Variants in ZKSCAN7 observed in about 807,000 individuals in gnomAD.
ZKSCAN7 encodes the protein zinc finger protein with KRAB and SCAN domains 7.
ZKSCAN7 carries 38 observed loss-of-function variants against 65.3 expected under a neutral mutation model. The observed-to-expected ratio is 0.58, with a 90% CI of 0.45 to 0.76. The LOEUF is 0.76. Ranked by LOEUF, ZKSCAN7 falls within the 30% of genes least tolerant of loss-of-function variation. The probability of loss-of-function intolerance (pLI) is 0.00; values close to 1 mark genes in which losing one functional copy is unlikely to be tolerated. For synonymous variants in ZKSCAN7, 321 were observed against 321.0 expected (o/e 1.00, Z 0.00); for missense variants, 815 against 913.3 (o/e 0.89, Z 1.39).
downstream of ZKSCAN7, among the ~76,000 whole-genome samples, chr3:44,572,744 G>T (rs1026512453): frequency 6.6e-6 from 1 of 151,062 alleles, no homozygotes; most frequent in Non-Finnish European, 1.5e-5. Context: ...CAGCTATTCG[G>T]GAGGCTGAGG....
At chr3:44,556,058 AG>A (rs781584140) in intron 1 of ZKSCAN7, among the ~76,000 whole-genome samples, 11 of 152,332 alleles carry the variant, frequency 7.2e-5, no homozygotes, top group Non-Finnish European at 1.0e-4. Flanking sequence ...TGAATGAAAA[AG>A]GTAGTTTGGG....
At chr3:44,558,524 CAA>C (rs200361121) in intron 2 of ZKSCAN7, among the ~76,000 whole-genome samples, 19 of 107,316 alleles carry the variant, frequency 1.8e-4, no homozygotes, top group Admixed American at 3.0e-4. Context: ...GACTTCATCT[CAA>C]AAAAAAAAAA....
At chr3:44,579,245 C>A (rs1700000837) in intron 5 of ZKSCAN7, among the ~76,000 whole-genome samples, 1 of 152,212 alleles carries the variant, frequency 6.6e-6, no homozygotes, top group Admixed American at 6.5e-5. Flanking sequence ...GTCCAGCATC[C>A]CGAAGTGCTT....
chr3:44,569,799 A>C (rs1205253869), intron 5 of ZKSCAN7, 123 bp from the exon 6 acceptor site: 1 of 1,394,816 alleles, frequency 7.2e-7, no homozygotes, highest in Non-Finnish European at 9.3e-7. Context: ...TCTTGTTCTC[A>C]ATGTGTCATC....
At chr3:44,578,953 C>T (rs568226555) in intron 5 of ZKSCAN7, among the ~76,000 whole-genome samples, 233 of 152,358 alleles carry the variant, frequency 1.5e-3, no homozygotes, top group African/African-American at 5.4e-3. Context: ...GGTTCTGCTC[C>T]AGAAGGTCTG....
At chr3:44,568,745 T>C (rs1699709009) in intron 5 of ZKSCAN7, among the ~76,000 whole-genome samples, 1 of 152,174 alleles carries the variant, frequency 6.6e-6, no homozygotes. Flanking sequence ...TGGAAGAAAC[T>C]GATGAGCTAG....
chr3:44,555,512 A>G (rs1699264043), intron 1 of ZKSCAN7, 31 bp downstream of exon 1: 1 of 152,274 alleles, frequency 6.6e-6, no homozygotes, highest in African/African-American at 2.4e-5. Context: ...CTGGTTTAAC[A>G]CGAAAGGTAG....
Position 44,581,141 on chromosome 3 carries a change from C to T in ZKSCAN7, c.812-1831C>T, listed in dbSNP as rs1044723781. On this transcript the variant is annotated intron_variant, in intron 5 of 5. Transcript: ENST00000341840. ...CGCCGGCCCTGCCACAGGCCCTGACCGGCCTCCTTCCCTGCGGGCGGCTCG... is the reference window on the plus strand; with the variant it reads ...CGCCGGCCCTGCCACAGGCCCTGACTGGCCTCCTTCCCTGCGGGCGGCTCG... The T allele has an allele frequency of 1.8e-5, 17 of 956,840 alleles. No individual in the cohort carries two copies. The South Asian group carries it at 3.3e-4, about 19-fold the overall frequency. 59.3% of individuals were successfully genotyped at this position (956,840 alleles called of 1,614,324 possible).
chr3:44,580,870 C>T (rs1027632949), intron 5 of ZKSCAN7: 5 of 1,613,560 alleles, frequency 3.1e-6, no homozygotes, highest in Middle Eastern at 1.7e-4. Context: ...CCATCTGGAG[C>T]CAGGAGGAGC....
rs115901163 is a variant in ZKSCAN7 at position 44,556,554 on chromosome 3, A to G, written c.-118-376A>G. 9.5e-4 allele frequency among the ~76,000 whole-genome samples: 144 copies of G among 152,378 alleles called. 1 individual carries two copies. Among genetic ancestry groups the G allele is most frequent in the African/African-American group, 3.4e-3 (142 of 41,586 alleles). On this transcript the variant is annotated intron_variant, in intron 1 of 5. Transcript: ENST00000426540. ...AATTGTAATGCACATTATAAAACAT[A>G]CATTAAATAGGAGTTAAATAACTTA...
At chr3:44,559,531 A>T (rs1699402394) in intron 2 of ZKSCAN7, among the ~76,000 whole-genome samples, 1 of 151,996 alleles carries the variant, frequency 6.6e-6, no homozygotes. Flanking sequence ...GGCTCAAGTG[A>T]TCCTCCCACC....
At chr3:44,569,856 T>A (rs1037379135) in intron 5 of ZKSCAN7, 66 bp from the exon 6 acceptor site, 2 of 1,477,704 alleles carry the variant, frequency 1.4e-6, no homozygotes, top group African/African-American at 2.8e-5. Flanking sequence ...TGTTAGCTCT[T>A]AATGATTCTC....
In ZKSCAN7 at chr3:44,567,746, C is replaced by T. The variant is rs74499857; in HGVS notation, c.593-166C>T. Among the ~76,000 whole-genome samples the T allele has an allele frequency of 2.0e-5, 3 of 151,534 alleles. No homozygotes were observed. The East Asian group carries it at 5.8e-4, about 29-fold the overall frequency. ...GATCCGGGACCTTGTACTGTACCCT[C>T]CAGGGAAAATTCACACCACTCTTGG... On this transcript the variant is annotated intron_variant, in intron 3 of 5. Coordinates refer to ENST00000426540, the MANE Select transcript of ZKSCAN7 (RefSeq NM_001288590.2).
At chr3:44,582,454 A>G (rs1700108177) in intron 5 of ZKSCAN7, among the ~76,000 whole-genome samples, 1 of 152,210 alleles carries the variant, frequency 6.6e-6, no homozygotes. Flanking sequence ...CACAAACTTA[A>G]AAAGACCTGA....
At chr3:44,579,679 G>C (rs1282535519) in intron 5 of ZKSCAN7, among the ~76,000 whole-genome samples, 1 of 152,142 alleles carries the variant, frequency 6.6e-6, no homozygotes, top group Non-Finnish European at 1.5e-5. Context: ...TATGTATCTG[G>C]AAGCCATAGT....
intron 5 of ZKSCAN7, 110 bp from the exon 6 acceptor site, chr3:44,569,812 A>G: frequency 7.1e-7 from 1 of 1,417,066 alleles, no homozygotes; most frequent in Non-Finnish European, 9.2e-7. Context: ...GTGTCATCTC[A>G]TTTCTTAACC....
At chr3:44,567,422 A>G (rs1699668686) in intron 3 of ZKSCAN7, among the ~76,000 whole-genome samples, 1 of 152,222 alleles carries the variant, frequency 6.6e-6, no homozygotes, top group South Asian at 2.1e-4. Flanking sequence ...GAAATGTCCC[A>G]TAGGCAATAG....
At chr3:44,561,616 G>A (rs1048623933) in intron 2 of ZKSCAN7, among the ~76,000 whole-genome samples, 31 of 152,160 alleles carry the variant, frequency 2.0e-4, no homozygotes, top group Admixed American at 2.0e-3. Context: ...AAACTAGTTA[G>A]TTACTTCCAA....
chr3:44,578,143 G>A, intron 5 of ZKSCAN7: 2 of 1,521,370 alleles, frequency 1.3e-6, no homozygotes, highest in Non-Finnish European at 1.8e-6. Flanking sequence ...GCCTTAAGCT[G>A]CTCTTTCAAC....
Sources: gnomAD v4.1 joint callset for allele counts (sites outside exome capture counted in the v4.1 genomes callset) on GRCh38, gnomAD v4.1.1 for gene constraint, MANE v1.5 for transcripts, NCBI Gene and HGNC (gene_info 2026-07-23, HGNC 2026-07-21) for gene names.